The following PDZRN4 variants were observed in gnomAD, a reference collection of about 807,000 sequenced individuals.
PDZRN4 encodes the protein PDZ domain containing ring finger 4.
Under a neutral mutation model 99.0 loss-of-function variants are expected in PDZRN4, and 70 were observed. That is an observed-to-expected ratio of 0.71 (90% CI 0.58 to 0.86). The LOEUF (loss-of-function observed/expected upper bound fraction) is 0.86. Ranked by LOEUF, PDZRN4 falls within the 40% of genes least tolerant of loss-of-function variation. PDZRN4 has a pLI of 0.00. For missense variants in PDZRN4, 1,474 were observed against 1,331.2 expected (o/e 1.11, Z -1.67); for synonymous variants, 551 against 501.6 (o/e 1.10, Z -1.32).
In PDZRN4 at chr12:41,336,308, T is replaced by A. The variant is rs914984128; in HGVS notation, c.843+142120T>A. On this transcript the variant is annotated intron_variant, in intron 3 of 9. Transcript: ENST00000402685. ...CACTGCTTTTGTGGTGACCATTGTA[T>A]GTCACTGGCTAGCTCAGTTGCTGAG... 3.3e-5 allele frequency among the ~76,000 whole-genome samples: 5 copies of A among 152,164 alleles called. No individual in the cohort carries two copies. In the East Asian group the frequency reaches 7.7e-4, roughly 24 times the overall value.
At chr12:41,358,176 C>A (rs1486347080) in intron 3 of PDZRN4, among the ~76,000 whole-genome samples, 1 of 151,868 alleles carries the variant, frequency 6.6e-6, no homozygotes, top group East Asian at 1.9e-4. Flanking sequence ...TTCTTCTCAA[C>A]ACAGGAAGAT....
chr12:41,499,929 G>T (rs1938081367), intron 3 of PDZRN4, among the ~76,000 whole-genome samples: 2 of 151,948 alleles, frequency 1.3e-5, no homozygotes, highest in Admixed American at 1.3e-4. Context: ...ACATACGTAA[G>T]CATTTCCAAG....
At chr12:41,372,922 G>A (rs73126861) in intron 3 of PDZRN4, among the ~76,000 whole-genome samples, 4 of 152,206 alleles carry the variant, frequency 2.6e-5, no homozygotes, top group Admixed American at 6.5e-5. Context: ...GATATTTCAC[G>A]TAGTTTGTCT....
chr12:41,557,566 T>C (rs542945985), intron 7 of PDZRN4, among the ~76,000 whole-genome samples: 1 of 152,302 alleles, frequency 6.6e-6, no homozygotes, highest in African/African-American at 2.4e-5. Flanking sequence ...CTGCGTGGCC[T>C]GGGCACATGT....
chr12:41,226,943 G>T (rs147873945), intron 3 of PDZRN4, among the ~76,000 whole-genome samples: 2 of 152,196 alleles, frequency 1.3e-5, no homozygotes, highest in African/African-American at 2.4e-5. Flanking sequence ...CTGTTTTTAT[G>T]ATCTAATACC....
At chr12:41,260,113 T>G (rs1345372583) in intron 3 of PDZRN4, among the ~76,000 whole-genome samples, 2 of 152,220 alleles carry the variant, frequency 1.3e-5, no homozygotes, top group African/African-American at 2.4e-5. Flanking sequence ...TGAAAGCAAT[T>G]AAATTCACAT....
At chr12:41,505,621 C>T (rs1279519270) in intron 3 of PDZRN4, among the ~76,000 whole-genome samples, 2 of 152,056 alleles carry the variant, frequency 1.3e-5, no homozygotes, top group African/African-American at 4.8e-5. Flanking sequence ...TTTTTCTCTC[C>T]CAAATGCCAA....
At chr12:41,190,728 A>G (rs894646476) in intron 1 of PDZRN4, among the ~76,000 whole-genome samples, 1 of 152,352 alleles carries the variant, frequency 6.6e-6, no homozygotes, top group South Asian at 2.1e-4. Flanking sequence ...AAGGTTAATA[A>G]CATCTACAAC....
intron 3 of PDZRN4, among the ~76,000 whole-genome samples, chr12:41,235,133 A>G (rs1591979151): frequency 6.6e-6 from 1 of 152,202 alleles, no homozygotes; most frequent in East Asian, 1.9e-4. Flanking sequence ...TAAGAATTAA[A>G]GAATACTGGT....
At chr12:41,226,059 G>A (rs1291116326) in intron 3 of PDZRN4, among the ~76,000 whole-genome samples, 1 of 151,962 alleles carries the variant, frequency 6.6e-6, no homozygotes, top group Non-Finnish European at 1.5e-5. Context: ...TGTCTTGAAA[G>A]GTTCGTACTG....
At chr12:41,396,378 C>T (rs73274463) in intron 3 of PDZRN4, among the ~76,000 whole-genome samples, 5,410 of 152,212 alleles carry the variant, frequency 0.036, 320 homozygotes, top group African/African-American at 0.12. Context: ...AAAGCTACTA[C>T]TGCATTTTAG....
rs190567323 is a variant in PDZRN4, at chr12:41,337,380, G to A, written c.843+143192G>A. ...CCAGTTTCTCAAATGGTACCCACAGGTACCATGTCCAGGTCAGAGCTGTGA... is the reference window on the plus strand; with the variant it reads ...CCAGTTTCTCAAATGGTACCCACAGATACCATGTCCAGGTCAGAGCTGTGA... On this transcript the variant is annotated intron_variant, in intron 3 of 9. Coordinates refer to ENST00000402685, the MANE Select transcript of PDZRN4 (RefSeq NM_001164595.2). Among the ~76,000 whole-genome samples, 469 of 152,084 alleles carry A rather than the reference G, an allele frequency of 3.1e-3. 3 individuals carry two copies. Among genetic ancestry groups the A allele is most frequent in the African/African-American group, 0.011 (446 of 41,514 alleles).
At chr12:41,408,783 TTC>T (rs1215457271) in intron 3 of PDZRN4, among the ~76,000 whole-genome samples, 17 of 150,010 alleles carry the variant, frequency 1.1e-4, no homozygotes, top group Admixed American at 3.3e-4. Context: ...TCTCTCTGTC[TTC>T]TCTCTCTCTC....
In PDZRN4 at chr12:41,567,733, A is replaced by G. The variant is rs12310084; in HGVS notation, c.1468-50A>G. The G allele has an allele frequency of 0.15, 185,108 of 1,200,924 alleles. 16,291 individuals carry two copies. The highest frequency in any genetic ancestry group is 0.3 in the African/African-American group (19,657 of 65,820). 74.4% of individuals were successfully genotyped at this position (1,200,924 alleles called of 1,614,324 possible). On this transcript the variant is annotated intron_variant, in intron 8 of 9. Coordinates refer to ENST00000402685, the MANE Select transcript of PDZRN4 (RefSeq NM_001164595.2). ...GGCCATTTAAGTTTACTCTATTTTA[A>G]CATGAGTTCTCACTAACATAATATA... is the stretch of plus-strand genomic sequence containing the variant.
intron 3 of PDZRN4, among the ~76,000 whole-genome samples, chr12:41,263,571 C>A (rs141507010): frequency 0.027 from 4,107 of 152,256 alleles, 102 homozygotes; most frequent in South Asian, 0.12. Context: ...CCTGTAATCC[C>A]AGCTACTCAG....
chr12:41,528,080 T>G (rs1004642437), intron 5 of PDZRN4, among the ~76,000 whole-genome samples: 1 of 152,216 alleles, frequency 6.6e-6, no homozygotes, highest in Non-Finnish European at 1.5e-5. Context: ...GGTAGTAAAT[T>G]CTGTGAAATA....
intron 2 of PDZRN4, 81 bp downstream of exon 2, chr12:41,191,625 GAGGACTT>G (rs1392288522): frequency 1.5e-6 from 1 of 681,604 alleles, no homozygotes; most frequent in African/African-American, 1.8e-5. Context: ...TAAAATAATA[GAGGACTT>G]AGCTTTTGTT....
intron 3 of PDZRN4, among the ~76,000 whole-genome samples, chr12:41,429,459 T>A (rs1261507773): frequency 6.6e-6 from 1 of 152,206 alleles, no homozygotes; most frequent in East Asian, 1.9e-4. Context: ...GAAGTTAATT[T>A]TAGACTACGA....
At chr12:41,492,517 T>C (rs1322245789) in intron 3 of PDZRN4, among the ~76,000 whole-genome samples, 1 of 151,852 alleles carries the variant, frequency 6.6e-6, no homozygotes, top group Admixed American at 6.6e-5. Context: ...TTAACTTTGC[T>C]TTGTGATTTG....
Sources: gnomAD v4.1 joint callset for allele counts (sites outside exome capture counted in the v4.1 genomes callset) on GRCh38, gnomAD v4.1.1 for gene constraint, MANE v1.5 for transcripts, NCBI Gene and HGNC (gene_info 2026-07-23, HGNC 2026-07-21) for gene names.